The following NEDD9 variants were observed in gnomAD, a reference collection of about 807,000 sequenced individuals.
NEDD9 encodes enhancer of filamentation 1.
Under a neutral mutation model 76.6 loss-of-function variants are expected in NEDD9, and 26 were observed. The ratio of observed to expected loss-of-function variants is 0.34; its 90% CI spans 0.25 to 0.47. NEDD9 has a LOEUF of 0.47. Ranked by LOEUF, NEDD9 falls within the 20% of genes least tolerant of loss-of-function variation. The pLI is 1.00. For synonymous variants in NEDD9, 392 were observed against 414.2 expected, an observed-to-expected ratio of 0.95 and a Z score of 0.65; for missense variants, 937 against 1,058.5, an observed-to-expected ratio of 0.89 and a Z score of 1.59.
chr6:11,282,334 G>C (rs1760553519), intron 3 of NEDD9, among the ~76,000 whole-genome samples: 1 of 152,186 alleles, frequency 6.6e-6, no homozygotes, highest in African/African-American at 2.4e-5. Flanking sequence ...CCCTCTCACT[G>C]TCTTTTCTTG....
intron 5 of NEDD9, among the ~76,000 whole-genome samples, chr6:11,189,428 G>A (rs1355642441): frequency 3.3e-5 from 5 of 152,204 alleles, no homozygotes; most frequent in African/African-American, 1.2e-4. Context: ...CTGAGATGGG[G>A]CTAAGTTTTA....
intron 3 of NEDD9, among the ~76,000 whole-genome samples, chr6:11,273,758 A>G (rs150198379): frequency 8.8e-4 from 134 of 152,326 alleles, no homozygotes; most frequent in African/African-American, 2.9e-3. Context: ...GCCTCACTCA[A>G]TATGAGATTG....
At chr6:11,346,274 T>C (rs1762361975) in intron 1 of NEDD9, among the ~76,000 whole-genome samples, 1 of 152,048 alleles carries the variant, frequency 6.6e-6, no homozygotes, top group Non-Finnish European at 1.5e-5. Context: ...CATGGAAGGG[T>C]TTTGTTCTGC....
chr6:11,310,234 C>G (rs1407133256), intron 2 of NEDD9, among the ~76,000 whole-genome samples: 3 of 152,192 alleles, frequency 2.0e-5, no homozygotes, highest in African/African-American at 7.2e-5. Context: ...GAAGCAGCAA[C>G]AGCCATGCGC....
chr6:11,214,010 C>G (rs1457530083), intron 1 of NEDD9, among the ~76,000 whole-genome samples: 1 of 152,142 alleles, frequency 6.6e-6, no homozygotes, highest in African/African-American at 2.4e-5. Context: ...TTATGAGTAG[C>G]AGTGTTACAG....
intron 3 of NEDD9, among the ~76,000 whole-genome samples, chr6:11,261,056 AAAGT>A (rs1389950882): frequency 6.6e-6 from 1 of 152,196 alleles, no homozygotes; most frequent in Non-Finnish European, 1.5e-5. Context: ...GCCATTTTGG[AAAGT>A]AAGCTCACAT....
At chr6:11,308,970 G>A (rs1429394019) in intron 2 of NEDD9, among the ~76,000 whole-genome samples, 2 of 152,184 alleles carry the variant, frequency 1.3e-5, no homozygotes, top group African/African-American at 4.8e-5. Context: ...AGCGTCTAAA[G>A]TATACTTATG....
chr6:11,185,319 A>G lies in NEDD9; in HGVS notation c.2348T>C (p.Leu783Pro). The G allele has an allele frequency of 1.3e-5, 21 of 1,614,134 alleles. No individual in the cohort carries two copies. Among genetic ancestry groups the G allele is most frequent in the Non-Finnish European group, 1.8e-5 (21 of 1,180,022 alleles). The change falls in exon 7 of 7, where the codon CTC (leucine) becomes CCC (proline). Residue 783 changes from leucine (L) to proline (P), a missense_variant. Transcript: ENST00000379446. ...GACTATGGTCTTGAGCTGCTCGCAG[A>G]GCTGGTTGCTGGAGTTCATGACTTT... is the stretch of plus-strand genomic sequence containing the variant. ...RNKVMNSSNQ[L>P]CEQLKTIVMA...
intron 2 of NEDD9, among the ~76,000 whole-genome samples, chr6:11,323,141 A>T (rs1761847963): frequency 6.6e-6 from 1 of 152,224 alleles, no homozygotes; most frequent in African/African-American, 2.4e-5. Flanking sequence ...AGAGTTAGCA[A>T]AGGGACGGTG....
intron 1 of NEDD9, chr6:11,214,152 A>C: frequency 1.9e-6 from 1 of 515,600 alleles, no homozygotes; most frequent in South Asian, 1.4e-5. Flanking sequence ...TTGGAGGTGA[A>C]AAGAGTAAAA....
intron 4 of NEDD9, among the ~76,000 whole-genome samples, chr6:11,191,418 G>A (rs978038885): frequency 2.6e-5 from 4 of 151,690 alleles, no homozygotes; most frequent in African/African-American, 9.7e-5. Flanking sequence ...AGACTCGTAT[G>A]TACAACCCTC....
chr6:11,207,279 T>G (rs149956924), intron 2 of NEDD9, among the ~76,000 whole-genome samples: 1 of 152,352 alleles, frequency 6.6e-6, no homozygotes, highest in African/African-American at 2.4e-5. Context: ...GCAACCAGAT[T>G]GCACAATGCC....
chr6:11,275,700 C>T (rs566266654), intron 3 of NEDD9, among the ~76,000 whole-genome samples: 22 of 152,298 alleles, frequency 1.4e-4, no homozygotes, highest in African/African-American at 5.3e-4. Flanking sequence ...TAGAAACAAG[C>T]ACAGAGCAAA....
At chr6:11,355,668 T>A (rs1286430401) in intron 1 of NEDD9, among the ~76,000 whole-genome samples, 2 of 152,154 alleles carry the variant, frequency 1.3e-5, no homozygotes, top group Non-Finnish European at 2.9e-5. Context: ...GAGGAGGTGG[T>A]GATAGAAACA....
intron 5 of NEDD9, among the ~76,000 whole-genome samples, chr6:11,189,247 T>C (rs1758064814): frequency 1.3e-5 from 2 of 151,676 alleles, no homozygotes; most frequent in African/African-American, 4.9e-5. Flanking sequence ...GCCCAGCCAG[T>C]AGAATGTTTT....
intron 1 of NEDD9, among the ~76,000 whole-genome samples, chr6:11,379,785 C>T (rs1763029314): frequency 6.6e-6 from 1 of 152,162 alleles, no homozygotes; most frequent in South Asian, 2.1e-4. Flanking sequence ...GGCTCCTAGC[C>T]TCAGATCGAC....
intron 1 of NEDD9, among the ~76,000 whole-genome samples, chr6:11,230,971 C>T (rs1466526191): frequency 1.3e-5 from 2 of 152,172 alleles, no homozygotes; most frequent in African/African-American, 4.8e-5. Context: ...GCCATTTATA[C>T]TTTCCAATAA....
chr6:11,363,150 C>G (rs904386502), intron 1 of NEDD9, among the ~76,000 whole-genome samples: 4 of 152,206 alleles, frequency 2.6e-5, no homozygotes, highest in Non-Finnish European at 4.4e-5. Flanking sequence ...TTGGCATCTA[C>G]TACAGTTGCT....
At chr6:11,300,658 G>A (rs113928078) in intron 3 of NEDD9, among the ~76,000 whole-genome samples, 19 of 151,854 alleles carry the variant, frequency 1.3e-4, no homozygotes, top group Admixed American at 5.3e-4. Flanking sequence ...GACTAACAGC[G>A]GATCTGTTGG....
Sources: gnomAD v4.1 joint callset for allele counts (sites outside exome capture counted in the v4.1 genomes callset) on GRCh38, gnomAD v4.1.1 for gene constraint, MANE v1.5 for transcripts, NCBI Gene and HGNC (gene_info 2026-07-23, HGNC 2026-07-21) for gene names.